Variants in ZAR1 observed in about 807,000 individuals in gnomAD.
The protein encoded by ZAR1 is zygote arrest protein 1.
A neutral mutation model predicts 38.3 loss-of-function variants in ZAR1; 37 were observed. That is an observed-to-expected ratio of 0.97 (90% CI 0.74 to 1.27). ZAR1 has a LOEUF of 1.27. Among genes scored for constraint, ZAR1 ranks in the 50% most tolerant of loss-of-function variants. The pLI is 0.00. For synonymous variants in ZAR1, 336 were observed against 292.0 expected, an observed-to-expected ratio of 1.15 and a Z score of -1.53; for missense variants, 651 against 632.4, an observed-to-expected ratio of 1.03 and a Z score of -0.32.
downstream of ZAR1, among the ~76,000 whole-genome samples, chr4:48,496,502 C>CCTAA (rs1388677887): frequency 2.6e-5 from 4 of 152,100 alleles, no homozygotes; most frequent in South Asian, 2.1e-4. Context: ...CATTAATTTT[C>CCTAA]CTAACTTAGC....
At chr4:48,494,001 A>C (rs543199917) in intron 3 of ZAR1, 100 bp from the exon 4 acceptor site, 1 of 1,401,032 alleles carries the variant, frequency 7.1e-7, no homozygotes. Flanking sequence ...TGCTTAGAGC[A>C]CATTCATTAA....
Position 48,490,707 on chromosome 4 carries a change from G to A in ZAR1, c.416G>A (p.Gly139Asp), listed in dbSNP as rs763874668. 2 of 1,333,720 alleles carry A rather than the reference G, an allele frequency of 1.5e-6. No individual in the cohort carries two copies. The highest frequency in any genetic ancestry group is 1.9e-6 in the Non-Finnish European group (2 of 1,046,852). 82.6% of individuals were successfully genotyped at this position (1,333,720 alleles called of 1,614,324 possible). ...RRARDPESPAGPGAEGTTGGG... is the reference protein window; with the variant it reads ...RRARDPESPADPGAEGTTGGG... ...GCCCGCGACCCCGAGTCCCCGGCCGGCCCCGGGGCCGAGGGCACCACGGGT... is the reference window on the plus strand; with the variant it reads ...GCCCGCGACCCCGAGTCCCCGGCCGACCCCGGGGCCGAGGGCACCACGGGT... Residue 139 changes from glycine to aspartate, a missense_variant, in exon 1 of 4, where the codon GGC (glycine) becomes GAC (aspartate). This residue lies in a region of ZAR1 where 522 missense variants were observed against 459.9 expected (regional missense o/e 1.14). Coordinates refer to ENST00000327939, the MANE Select transcript of ZAR1 (RefSeq NM_175619.3).
At position 48,490,516 on chromosome 4, in the gene ZAR1, C is replaced by G. The variant is rs1243347520; in HGVS notation, c.225C>G (p.Phe75Leu). 4 of 1,473,538 alleles carry G rather than the reference C, an allele frequency of 2.7e-6. No individual in the cohort carries two copies. In the Admixed American group the frequency reaches 7.5e-5, roughly 27 times the overall value. 91.3% of individuals were successfully genotyped at this position (1,473,538 alleles called of 1,614,324 possible). The part of the protein sequence containing the change: ...GCGRLTAAEY[F>L]DSYQRERLMA... ...GGCGGCTGACGGCCGCCGAGTACTT[C>G]GACAGCTACCAGCGGGAGCGGCTCA... The change falls in exon 1 of 4, where the codon TTC becomes TTG. Residue 75 changes from phenylalanine (F) to leucine (L), a missense_variant. By Grantham distance (22) the Phe-to-Leu change is conservative. Transcript: ENST00000327939.
At chr4:48,496,976 G>C (rs1718647856), downstream of ZAR1, among the ~76,000 whole-genome samples, 1 of 152,112 alleles carries the variant, frequency 6.6e-6, no homozygotes, top group Non-Finnish European at 1.5e-5. Flanking sequence ...AAGAAAGCAT[G>C]TAATGATTTC....
chr4:48,493,300 T>C (rs142994281), intron 3 of ZAR1, among the ~76,000 whole-genome samples: 76 of 152,282 alleles, frequency 5.0e-4, no homozygotes, highest in African/African-American at 1.8e-3. Context: ...TATAAGAAAA[T>C]CAACAAAAAC....
chr4:48,492,301 C>T (rs750887320), intron 1 of ZAR1, among the ~76,000 whole-genome samples: 3 of 152,140 alleles, frequency 2.0e-5, no homozygotes, highest in Non-Finnish European at 4.4e-5. Flanking sequence ...TTATGGCTTA[C>T]GTACGATTTA....
At position 48,490,643 on chromosome 4, in the gene ZAR1, G is replaced by C; in HGVS notation, c.352G>C (p.Val118Leu). ...VQVSPRIDAA[V>L]QCSLGRRTLQ... Reference sequence around the variant, plus strand: ...GGTGAGCCCGCGCATCGACGCCGCGGTACAGTGCTCGCTGGGGAGGCGCAC... The same window carrying C: ...GGTGAGCCCGCGCATCGACGCCGCGCTACAGTGCTCGCTGGGGAGGCGCAC... Residue 118 changes from valine (V) to leucine (L), a missense_variant, in exon 1 of 4, where the codon GTA (valine) becomes CTA (leucine). By Grantham distance (32) the Val-to-Leu change is conservative. Transcript: ENST00000327939. The C allele has an allele frequency of 7.4e-7, 1 of 1,349,886 alleles. No individual in the cohort carries two copies. Among genetic ancestry groups the C allele is most frequent in the Non-Finnish European group, 9.4e-7 (1 of 1,059,202 alleles). 83.6% of individuals were successfully genotyped at this position (1,349,886 alleles called of 1,614,324 possible). A position where few individuals can be genotyped will look rare whatever the true frequency, so the allele number is the denominator to read the frequency against.
chr4:48,494,574 A>T (rs1043242105), downstream of ZAR1, among the ~76,000 whole-genome samples: 12 of 152,056 alleles, frequency 7.9e-5, no homozygotes, highest in Admixed American at 2.6e-4. Context: ...GACGAGGTCT[A>T]CTTATTTAGG....
downstream of ZAR1, chr4:48,497,411 A>T (rs1283777547): frequency 6.6e-6 from 1 of 152,588 alleles, no homozygotes; most frequent in African/African-American, 2.4e-5. Flanking sequence ...AGTTACATAT[A>T]AATAAACACA....
chr4:48,493,588 C>A (rs1488703058), intron 3 of ZAR1, among the ~76,000 whole-genome samples: 3 of 152,252 alleles, frequency 2.0e-5, no homozygotes. Flanking sequence ...GAAGTGACTA[C>A]ATTCGCCTCT....
rs189355147 is a variant in ZAR1, at chr4:48,491,777, A to G, written c.963+523A>G. ...TGGAGCTCCTAAAATGCCCCTTCCT[A>G]GGAATTTGCTTTGCTTTTAAGAAGC... On this transcript the variant is annotated intron_variant, in intron 1 of 3. Coordinates refer to ENST00000327939, the MANE Select transcript of ZAR1 (RefSeq NM_175619.3). 3.9e-4 allele frequency among the ~76,000 whole-genome samples: 59 copies of G among 152,312 alleles called. No homozygotes were observed. The East Asian group carries it at 0.011, about 28-fold the overall frequency.
rs772495951 is a variant in ZAR1 at position 48,490,611 on chromosome 4, C to A, written c.320C>A (p.Ala107Glu). Reference protein sequence around the residue: ...RARRAGSCDVAVQVSPRIDAA... With the variant: ...RARRAGSCDVEVQVSPRIDAA... Reference sequence around the variant, plus strand: ...CGCAGGGCCGGCAGCTGCGACGTGGCGGTGCAGGTGAGCCCGCGCATCGAC... The same window carrying A: ...CGCAGGGCCGGCAGCTGCGACGTGGAGGTGCAGGTGAGCCCGCGCATCGAC... The change falls in exon 1 of 4, where the codon GCG (alanine) becomes GAG (glutamate). Residue 107 changes from alanine (A) to glutamate (E), a missense_variant. Transcript: ENST00000327939. The A allele has an allele frequency of 2.2e-6, 3 of 1,374,514 alleles. No individual in the cohort carries two copies. Among genetic ancestry groups the A allele is most frequent in the African/African-American group, 1.5e-5 (1 of 65,400 alleles). 85.1% of individuals were successfully genotyped at this position (1,374,514 alleles called of 1,614,324 possible).
At chr4:48,493,079 T>A in intron 3 of ZAR1, 67 bp downstream of exon 3, 2 of 1,492,972 alleles carry the variant, frequency 1.3e-6, no homozygotes, top group Non-Finnish European at 9.3e-7. Flanking sequence ...ATAGTTTGAG[T>A]ATACTTCCAA....
downstream of ZAR1, among the ~76,000 whole-genome samples, chr4:48,496,359 GA>G (rs1359765747): frequency 6.6e-6 from 1 of 152,168 alleles, no homozygotes; most frequent in Non-Finnish European, 1.5e-5. Context: ...GCATGCAAGT[GA>G]TACATAATGA....
chr4:48,496,456 A>G (rs1185243290), downstream of ZAR1, among the ~76,000 whole-genome samples: 1 of 152,218 alleles, frequency 6.6e-6, no homozygotes, highest in Non-Finnish European at 1.5e-5. Flanking sequence ...TTCACTGGCT[A>G]TTAATATGGT....
downstream of ZAR1, chr4:48,494,479 A>T (rs947798674): frequency 4.0e-6 from 2 of 504,178 alleles, no homozygotes; most frequent in African/African-American, 3.9e-5. Flanking sequence ...CTTCACCTTT[A>T]TGAATGCTTG....
At chr4:48,497,396 G>A (rs138560426), downstream of ZAR1, 2 of 152,530 alleles carry the variant, frequency 1.3e-5, no homozygotes, top group East Asian at 3.8e-4. Context: ...TATATTAATA[G>A]ACTTAGTTAC....
chr4:48,494,410 T>C, downstream of ZAR1: 1 of 893,974 alleles, frequency 1.1e-6, no homozygotes, highest in Non-Finnish European at 1.7e-6. Flanking sequence ...GCATAAAATC[T>C]GTCTTTGAAA....
chr4:48,493,076 G>A, intron 3 of ZAR1, 64 bp downstream of exon 3: 2 of 1,493,628 alleles, frequency 1.3e-6, no homozygotes, highest in South Asian at 1.1e-5. Flanking sequence ...AGTATAGTTT[G>A]AGTATACTTC....
Sources: gnomAD v4.1 joint callset for allele counts (sites outside exome capture counted in the v4.1 genomes callset) on GRCh38, gnomAD v4.1.1 for gene constraint, gnomAD v4.1.1 regional missense constraint, MANE v1.5 for transcripts, NCBI Gene and HGNC (gene_info 2026-07-23, HGNC 2026-07-21) for gene names.